Variants in PTPRK observed in about 807,000 individuals in gnomAD.
PTPRK encodes the protein receptor-type tyrosine-protein phosphatase kappa.
In PTPRK, 75 loss-of-function variants were observed where a neutral mutation model predicts 178.0. The ratio of observed to expected loss-of-function variants is 0.42; its 90% CI spans 0.35 to 0.51. PTPRK has a LOEUF of 0.51. Ranked by LOEUF, PTPRK falls within the 20% of genes least tolerant of loss-of-function variation. PTPRK has a pLI of 0.02. For missense variants in PTPRK, 1,441 were observed against 1,797.8 expected (o/e 0.80, Z 3.59); for synonymous variants, 637 against 620.6 (o/e 1.03, Z -0.39).
intron 13 of PTPRK, among the ~76,000 whole-genome samples, chr6:128,020,999 A>G (rs1374327027): frequency 6.6e-6 from 1 of 152,238 alleles, no homozygotes; most frequent in Non-Finnish European, 1.5e-5. Context: ...AAACAGATGA[A>G]CCAGATTTAA....
Position 128,192,973 on chromosome 6 carries a change from G to A in PTPRK, c.869-8248C>T, listed in dbSNP as rs561206688. On this transcript the variant is annotated intron_variant, in intron 6 of 29. Transcript: ENST00000368226. ...GGGAAGGAAGGAAGGAAAAAACTAC[G>A]TAAATTCTACCTAGTCCACATTTTA... Among the ~76,000 whole-genome samples the A allele has an allele frequency of 2.8e-4, 42 of 151,766 alleles. 1 individual carries two copies. The South Asian group carries it at 8.4e-3, about 30-fold the overall frequency.
chr6:128,489,619 T>C (rs1254428147), intron 1 of PTPRK, among the ~76,000 whole-genome samples: 1 of 152,250 alleles, frequency 6.6e-6, no homozygotes, highest in Admixed American at 6.5e-5. Flanking sequence ...TATGTGGCCA[T>C]GTATCTGTAT....
At chr6:127,983,399 T>C (rs1467908655) in intron 22 of PTPRK, 22 bp from the exon 23 acceptor site, 3 of 1,610,024 alleles carry the variant, frequency 1.9e-6, no homozygotes, top group African/African-American at 2.7e-5. Flanking sequence ...TTAAATTTAA[T>C]GAATTGTAAG....
At chr6:128,107,224 T>C (rs1049851281) in intron 7 of PTPRK, among the ~76,000 whole-genome samples, 11 of 151,992 alleles carry the variant, frequency 7.2e-5, no homozygotes, top group African/African-American at 2.7e-4. Context: ...AAATTGTTTG[T>C]TTTTAGAAGA....
chr6:128,379,904 T>C lies in PTPRK; in HGVS notation c.223+17662A>G, dbSNP rs566336870. 1.5e-3 allele frequency among the ~76,000 whole-genome samples: 228 copies of C among 152,308 alleles called. 1 individual carries two copies. The highest frequency in any genetic ancestry group is 5.1e-3 in the African/African-American group (213 of 41,578). ...TAATATTTTGTTGTTTAATAATATT[T>C]GTGTGCTTGTTGGTTTGTTTTTACT... On this transcript the variant is annotated intron_variant, in intron 2 of 29. Coordinates refer to ENST00000368226, the MANE Select transcript of PTPRK (RefSeq NM_002844.4).
chr6:128,146,895 T>G (rs1796582221), intron 7 of PTPRK, among the ~76,000 whole-genome samples: 1 of 152,158 alleles, frequency 6.6e-6, no homozygotes, highest in Non-Finnish European at 1.5e-5. Flanking sequence ...CAATTTCACA[T>G]CTTGTTTGCA....
In PTPRK at chr6:128,407,633, C is replaced by CAAAAAAAAAAAAAAAAAAAAAAAA. The variant is rs56189580; in HGVS notation, c.101-9946_101-9945insTTTTTTTTTTTTTTTTTTTTTTTT. Among the ~76,000 whole-genome samples, 2 of 97,792 alleles carry CAAAAAAAAAAAAAAAAAAAAAAAA rather than the reference C, an allele frequency of 2.0e-5. 1 individual carries two copies. 64.2% of individuals were successfully genotyped at this position (97,792 alleles called of 152,430 possible). On this transcript the variant is annotated intron_variant, in intron 1 of 29. Coordinates refer to ENST00000368226, the MANE Select transcript of PTPRK (RefSeq NM_002844.4). ...CCTGATGGACAGAGCAAGACCCTAT[C>CAAAAAAAAAAAAAAAAAAAAAAAA]AAAAAAAAAAAAAAAAAAAAAAGAA...
Position 128,242,527 on chromosome 6 carries a change from GA to G in PTPRK, c.570del (p.Pro191LeufsTer11). 1 of 1,611,982 alleles carries G rather than the reference GA, an allele frequency of 6.2e-7. No individual in the cohort carries two copies. Among genetic ancestry groups the G allele is most frequent in the Non-Finnish European group, 8.5e-7 (1 of 1,179,258 alleles). ...ATTCTTAATCACAACCTACCACAAG[GA>G]TAACTCAGTACTTGGATGTCATCAA... is the stretch of plus-strand genomic sequence containing the variant. Reference protein sequence around the residue: ...IAIDDIQVLSYPCDKSPHFLR... With the variant: ...IAIDDIQVLSXPCDKSPHFLR... On this transcript the variant is annotated frameshift_variant, in exon 4 of 30. Coordinates refer to ENST00000368226, the MANE Select transcript of PTPRK (RefSeq NM_002844.4). LOFTEE classifies it high-confidence loss of function.
intron 21 of PTPRK, among the ~76,000 whole-genome samples, chr6:127,990,134 T>C (rs1167467396): frequency 6.6e-6 from 1 of 152,172 alleles, no homozygotes; most frequent in Non-Finnish European, 1.5e-5. Context: ...TCAATTTTAG[T>C]ATGAACTAAA....
intron 1 of PTPRK, among the ~76,000 whole-genome samples, chr6:128,446,210 C>A (rs1008056686): frequency 6.6e-6 from 1 of 152,200 alleles, no homozygotes; most frequent in African/African-American, 2.4e-5. Flanking sequence ...CCTCAATTAG[C>A]AATCACCTTC....
chr6:128,501,558 G>A (rs1855563678), intron 1 of PTPRK, among the ~76,000 whole-genome samples: 1 of 152,204 alleles, frequency 6.6e-6, no homozygotes, highest in Admixed American at 6.5e-5. Context: ...CCTAACAAAG[G>A]CATGTGGAGC....
At chr6:128,352,739 C>T (rs1833363874) in intron 2 of PTPRK, among the ~76,000 whole-genome samples, 1 of 152,156 alleles carries the variant, frequency 6.6e-6, no homozygotes, top group East Asian at 1.9e-4. Context: ...CTATGAGTTT[C>T]CACAGCAGTA....
chr6:128,306,600 C>T (rs552780717), intron 3 of PTPRK, among the ~76,000 whole-genome samples: 1 of 151,894 alleles, frequency 6.6e-6, no homozygotes, highest in Non-Finnish European at 1.5e-5. Context: ...TCAAGGCTAG[C>T]TTGGTCAACA....
chr6:128,147,946 G>A (rs549307113), intron 7 of PTPRK, among the ~76,000 whole-genome samples: 26 of 152,162 alleles, frequency 1.7e-4, no homozygotes, highest in African/African-American at 6.0e-4. Flanking sequence ...TTATTGTGGA[G>A]AAGGTTAAAA....
intron 3 of PTPRK, among the ~76,000 whole-genome samples, chr6:128,276,500 A>G (rs542402830): frequency 5.6e-4 from 85 of 152,286 alleles, no homozygotes; most frequent in Middle Eastern, 3.4e-3. Flanking sequence ...AAAGCCATCA[A>G]TTAGAGCCAG....
At chr6:128,326,844 A>T (rs1303068247) in intron 2 of PTPRK, among the ~76,000 whole-genome samples, 1 of 152,176 alleles carries the variant, frequency 6.6e-6, no homozygotes, top group African/African-American at 2.4e-5. Context: ...ATTTTTATTA[A>T]AACAGAGACT....
At chr6:128,020,886 A>AT (rs1773405136) in intron 13 of PTPRK, among the ~76,000 whole-genome samples, 1 of 152,180 alleles carries the variant, frequency 6.6e-6, no homozygotes, top group Admixed American at 6.5e-5. Flanking sequence ...TTAATCTGGC[A>AT]TATCTCAGGA....
intron 17 of PTPRK, among the ~76,000 whole-genome samples, 194 bp downstream of exon 17, chr6:127,996,707 G>T (rs1484723133): frequency 6.6e-6 from 1 of 152,128 alleles, no homozygotes; most frequent in Admixed American, 6.6e-5. Flanking sequence ...CTGACCTCAG[G>T]TGATCCACCT....
At chr6:128,326,258 T>C (rs1829547292) in intron 2 of PTPRK, among the ~76,000 whole-genome samples, 2 of 152,100 alleles carry the variant, frequency 1.3e-5, no homozygotes, top group South Asian at 2.1e-4. Flanking sequence ...TGTATACTTA[T>C]GTAACAAACC....
Sources: gnomAD v4.1 joint callset for allele counts (sites outside exome capture counted in the v4.1 genomes callset) on GRCh38, gnomAD v4.1.1 for gene constraint, MANE v1.5 for transcripts, NCBI Gene and HGNC (gene_info 2026-07-23, HGNC 2026-07-21) for gene names.